The following PDZD9 variants were observed in gnomAD, a reference collection of about 807,000 sequenced individuals.
PDZD9 encodes the protein PDZ domain-containing protein 9.
A neutral mutation model predicts 16.3 loss-of-function variants in PDZD9; 13 were observed. The observed-to-expected ratio is 0.80, with a 90% CI of 0.52 to 1.27. The LOEUF is 1.27. Ranked by LOEUF, PDZD9 falls within the 50% of genes most tolerant of loss-of-function variation. The pLI is 0.00. For missense variants in PDZD9, 288 were observed against 310.9 expected (o/e 0.93, Z 0.55); for synonymous variants, 120 against 111.0 (o/e 1.08, Z -0.51).
chr16:21,995,363 G>T, intron 2 of PDZD9: 1 of 418,684 alleles, frequency 2.4e-6, no homozygotes, highest in South Asian at 1.8e-5. Flanking sequence ...CCAGTTTCAG[G>T]TATTTCTTTA....
rs1899114532 is a variant in PDZD9 at position 21,995,112 on chromosome 16, A to C, written c.211+1210T>G. On this transcript the variant is annotated intron_variant, in intron 2 of 3. Transcript: ENST00000424898. Reference sequence around the variant, plus strand: ...GCCTGGGGGGAGGTGACTGGATCACAAGGGCAGATTTCCCCCTTCCTGTTC... The same window carrying C: ...GCCTGGGGGGAGGTGACTGGATCACCAGGGCAGATTTCCCCCTTCCTGTTC... 3 of 407,686 alleles carry C rather than the reference A, an allele frequency of 7.4e-6. No individual in the cohort carries two copies. The Admixed American group carries it at 7.6e-5, about 10-fold the overall frequency. 25.3% of individuals were successfully genotyped at this position (407,686 alleles called of 1,614,324 possible).
At chr16:21,962,295 A>G in the PDZD9 span, 2 of 751,654 alleles carry the variant, frequency 2.7e-6, no homozygotes, top group Non-Finnish European at 4.2e-6. Context: ...TTTTAAAAAA[A>G]TTTTGAATTT....
chr16:21,971,484 T>C, the PDZD9 span: 1 of 1,468,904 alleles, frequency 6.8e-7, no homozygotes. Flanking sequence ...TGTGTTTTAG[T>C]AATTGTGGTT....
the PDZD9 span, chr16:21,971,727 G>A: frequency 1.5e-6 from 2 of 1,347,246 alleles, no homozygotes; most frequent in South Asian, 2.5e-5. Flanking sequence ...AACAGTCTCG[G>A]CATAGAATTG....
the PDZD9 span, chr16:21,958,666 CTCTGTTA>C: frequency 7.1e-7 from 1 of 1,408,518 alleles, no homozygotes; most frequent in Admixed American, 1.8e-5. Context: ...GGGAACTTTT[CTCTGTTA>C]TCAAGGAGGT....
intron 1 of PDZD9, chr16:21,998,360 G>A (rs1218845459): frequency 1.9e-5 from 4 of 213,138 alleles, no homozygotes; most frequent in Admixed American, 1.7e-4. Context: ...AAATGCAGAA[G>A]TTCGGGAAGG....
intron 1 of PDZD9, among the ~76,000 whole-genome samples, chr16:22,000,765 A>C (rs1017722686): frequency 4.6e-5 from 7 of 151,832 alleles, no homozygotes; most frequent in African/African-American, 1.7e-4. Flanking sequence ...CAGAGGTTGC[A>C]GTGAGCTGAG....
At chr16:21,999,314 C>G (rs1052656123) in intron 1 of PDZD9, 1 of 221,538 alleles carries the variant, frequency 4.5e-6, no homozygotes, top group Admixed American at 4.1e-5. Flanking sequence ...AAAGTGAGAT[C>G]TTCAATGCTT....
downstream of PDZD9, among the ~76,000 whole-genome samples, chr16:21,982,468 T>C (rs956797011): frequency 2.0e-5 from 3 of 152,216 alleles, no homozygotes; most frequent in African/African-American, 7.2e-5. Context: ...CACTACTCTA[T>C]TTGACAGTGT....
intron 1 of PDZD9, among the ~76,000 whole-genome samples, chr16:21,996,741 GT>G (rs1441511175): frequency 6.6e-6 from 1 of 152,208 alleles, no homozygotes; most frequent in Non-Finnish European, 1.5e-5. Flanking sequence ...ATATTAGTTA[GT>G]ATTATCTGTT....
intron 3 of PDZD9, 62 bp downstream of exon 3, chr16:21,988,540 T>G: frequency 7.5e-7 from 1 of 1,335,760 alleles, no homozygotes; most frequent in African/African-American, 1.5e-5. Context: ...TTAAACCATC[T>G]ATGCCTCACA....
chr16:21,967,854 C>T, the PDZD9 span, among the ~76,000 whole-genome samples: 3 of 152,024 alleles, frequency 2.0e-5, no homozygotes, highest in Non-Finnish European at 4.4e-5. Context: ...ACTCTGTTAG[C>T]CCTGTTATAG....
the PDZD9 span, chr16:21,965,344 G>A: frequency 1.3e-6 from 2 of 1,506,610 alleles, no homozygotes. Context: ...TGCTTTCTAG[G>A]TTTTAAAAAT....
chr16:21,962,834 C>T, the PDZD9 span: 1 of 1,614,104 alleles, frequency 6.2e-7, no homozygotes, highest in African/African-American at 1.3e-5. Context: ...AGCTGACCTT[C>T]AGCCTCAGCT....
At chr16:21,961,626 TTATATATATATATATATATATATATA>T in the PDZD9 span, among the ~76,000 whole-genome samples, 166 of 64,484 alleles carry the variant, frequency 2.6e-3, 4 homozygotes, top group Middle Eastern at 0.011. Flanking sequence ...AACATAAAAT[TTATATATATATATATATATATATATA>T]TATATATATA....
intron 1 of PDZD9, among the ~76,000 whole-genome samples, chr16:22,000,358 C>T: frequency 8.7e-6 from 1 of 115,208 alleles, no homozygotes. Flanking sequence ...ATGGAAAAGG[C>T]AAAAAAAAAA....
chr16:21,962,716 C>T, the PDZD9 span: 1 of 1,612,098 alleles, frequency 6.2e-7, no homozygotes, highest in Non-Finnish European at 8.5e-7. Flanking sequence ...CAAATGTTGG[C>T]TTTACATTTT....
the PDZD9 span, chr16:21,962,079 T>G: frequency 5.6e-6 from 1 of 179,302 alleles, no homozygotes; most frequent in Non-Finnish European, 1.2e-5. Context: ...GGCTGCTCAT[T>G]CTCCCCTCCC....
At chr16:21,974,083 C>A in the PDZD9 span, 2 of 946,648 alleles carry the variant, frequency 2.1e-6, no homozygotes, top group East Asian at 2.5e-5. Context: ...AGTGCAATGA[C>A]TTATCAGAGC....
Sources: gnomAD v4.1 joint callset for allele counts (sites outside exome capture counted in the v4.1 genomes callset) on GRCh38, gnomAD v4.1.1 for gene constraint, MANE v1.5 for transcripts, NCBI Gene and HGNC (gene_info 2026-07-23, HGNC 2026-07-21) for gene names.